SH3TC2: variants seen among roughly 807,000 people sequenced by gnomAD.
The protein encoded by SH3TC2 is SH3 domain and tetratricopeptide repeat-containing protein 2.
A neutral mutation model predicts 124.5 loss-of-function variants in SH3TC2; 87 were observed. The ratio of observed to expected loss-of-function variants is 0.70; its 90% CI spans 0.59 to 0.84. The LOEUF (loss-of-function observed/expected upper bound fraction) is 0.84, where lower values mean the gene tolerates loss of function less well. Ranked by LOEUF, SH3TC2 falls within the 40% of genes least tolerant of loss-of-function variation. The pLI, the probability that SH3TC2 is intolerant of heterozygous loss-of-function variation, is 0.00. For synonymous variants in SH3TC2, 634 were observed against 628.5 expected (o/e 1.01, Z -0.13); for missense variants, 1,536 against 1,566.4 (o/e 0.98, Z 0.33).
intron 16 of SH3TC2, among the ~76,000 whole-genome samples, chr5:149,005,282 C>T (rs868231570): frequency 5.3e-5 from 8 of 152,134 alleles, no homozygotes; most frequent in African/African-American, 1.9e-4. Flanking sequence ...TCTGAAGTGG[C>T]AGGTTCAGAG....
chr5:149,035,733 A>C (rs750592071), intron 8 of SH3TC2: 2 of 152,204 alleles, frequency 1.3e-5, no homozygotes, highest in Non-Finnish European at 2.9e-5. Flanking sequence ...CTGACCAGGC[A>C]CAGGAGAATG....
At chr5:149,058,611 G>T (rs1397301502) in intron 1 of SH3TC2, among the ~76,000 whole-genome samples, 2 of 151,088 alleles carry the variant, frequency 1.3e-5, no homozygotes, top group Non-Finnish European at 2.9e-5. Flanking sequence ...CTCCCCAGTT[G>T]ATGGCTTGCT....
intron 13 of SH3TC2, 127 bp from the exon 14 acceptor site, chr5:149,010,519 A>C: frequency 4.0e-6 from 5 of 1,247,052 alleles, no homozygotes; most frequent in Non-Finnish European, 5.6e-6. Flanking sequence ...CAAATCCTAA[A>C]TGTCTTCACA....
intron 9 of SH3TC2, among the ~76,000 whole-genome samples, chr5:149,030,103 T>A (rs961762830): frequency 6.6e-6 from 1 of 152,188 alleles, no homozygotes; most frequent in Non-Finnish European, 1.5e-5. Flanking sequence ...GGAGAGCTGT[T>A]CAAATGCCCT....
rs1453851161 is a variant in SH3TC2, at chr5:149,003,161, A to G, written c.*1550T>C. The G allele has an allele frequency of 6.6e-6, 1 of 152,220 alleles. No individual in the cohort carries two copies. Among genetic ancestry groups the G allele is most frequent in the Admixed American group, 6.5e-5 (1 of 15,288 alleles). The allele number at this position is 152,220 out of a possible 1,614,324, so 9.4% of individuals were successfully genotyped here. On this transcript the variant is annotated 3_prime_UTR_variant, in exon 17 of 17. Coordinates refer to ENST00000515425, the MANE Select transcript of SH3TC2 (RefSeq NM_024577.4). ...GTAGGTCACTTCTGAAATGATCCCC[A>G]ATGATTCCTCACCATCTGGTATTCA...
intron 12 of SH3TC2, among the ~76,000 whole-genome samples, chr5:149,016,233 G>C (rs1286982432): frequency 6.6e-6 from 1 of 152,036 alleles, no homozygotes; most frequent in Non-Finnish European, 1.5e-5. Context: ...TAACTATCTT[G>C]GACCAAGTAA....
chr5:149,047,846 T>G lies in SH3TC2; in HGVS notation c.279+16A>C. On this transcript the variant is annotated intron_variant, in intron 3 of 16. Coordinates refer to ENST00000515425, the MANE Select transcript of SH3TC2 (RefSeq NM_024577.4). Reference sequence around the variant, plus strand: ...CAAGTCAGTACTCAGCATTCACCTGTTTCCTTCATGCTCACCTTAAACAGC... The same window carrying G: ...CAAGTCAGTACTCAGCATTCACCTGGTTCCTTCATGCTCACCTTAAACAGC... The G allele has an allele frequency of 6.2e-7, 1 of 1,613,814 alleles. No individual in the cohort carries two copies. Among genetic ancestry groups the G allele is most frequent in the Non-Finnish European group, 8.5e-7 (1 of 1,179,794 alleles).
rs946354512 is a variant in SH3TC2 at position 148,986,021 on chromosome 5, T to C, written c.*18690A>G. Among the ~76,000 whole-genome samples the C allele has an allele frequency of 1.3e-5, 2 of 152,196 alleles. No homozygotes were observed. Among genetic ancestry groups the C allele is most frequent in the Non-Finnish European group, 2.9e-5 (2 of 68,026 alleles). On this transcript the variant is annotated 3_prime_UTR_variant, in exon 17 of 17. Transcript: ENST00000515425. ...GGGTGATTTTTGAAAAACACATAAA[T>C]GCAGAATCTTGGTGTTTAAAAGGAA...
chr5:149,017,324 AAGAC>A (rs1406845113), intron 12 of SH3TC2, among the ~76,000 whole-genome samples: 1 of 152,156 alleles, frequency 6.6e-6, no homozygotes, highest in Non-Finnish European at 1.5e-5. Context: ...GTGTCACCTC[AAGAC>A]AGAAGACAAG....
Position 149,010,337 on chromosome 5 carries a change from T to C in SH3TC2, c.3260A>G (p.Tyr1087Cys). The change falls in exon 14 of 17, where the codon TAT (tyrosine) becomes TGT (cysteine). Residue 1087 changes from tyrosine (Y) to cysteine (C), a missense_variant. By Grantham distance (194) the Tyr-to-Cys change is radical. Around this residue, in one of 3 missense-constraint regions of SH3TC2, gnomAD observed 426 missense variants for 443.5 expected, o/e 0.96. Coordinates refer to ENST00000515425, the MANE Select transcript of SH3TC2 (RefSeq NM_024577.4). ...SEEPLLALKL[Y>C]EEAGDVFFNG... ...GAAGAACACATCACCTGCTTCTTCA[T>C]AAAGTTTGAGAGCCAGCAAAGGCTC... 1.2e-6 allele frequency: 2 copies of C among 1,614,112 alleles called. No individual in the cohort carries two copies. Among genetic ancestry groups the C allele is most frequent in the Non-Finnish European group, 1.7e-6 (2 of 1,180,024 alleles).
Position 148,997,118 on chromosome 5 carries a change from CATG to C in SH3TC2, c.*7590_*7592del, listed in dbSNP as rs1455034674. On this transcript the variant is annotated 3_prime_UTR_variant, in exon 17 of 17. Transcript: ENST00000515425. ...GAAGGATGTTCCTAATAGCTTTTTCCATGATGTCAAAAGTAGGCTATTCTCTCA... is the reference window on the plus strand; with the variant it reads ...GAAGGATGTTCCTAATAGCTTTTTCCATGTCAAAAGTAGGCTATTCTCTCA... Among the ~76,000 whole-genome samples the C allele has an allele frequency of 6.6e-6, 1 of 152,170 alleles. No individual in the cohort carries two copies. The highest frequency in any genetic ancestry group is 1.5e-5 in the Non-Finnish European group (1 of 68,028).
chr5:149,052,729 G>A (rs962827470), intron 1 of SH3TC2, among the ~76,000 whole-genome samples: 2 of 152,136 alleles, frequency 1.3e-5, no homozygotes, highest in Non-Finnish European at 2.9e-5. Flanking sequence ...GGTCCTGTCA[G>A]GCCTGTCTTT....
At chr5:149,042,641 C>G (rs920960278) in intron 5 of SH3TC2, 53 bp downstream of exon 5, 8 of 1,610,464 alleles carry the variant, frequency 5.0e-6, no homozygotes, top group Non-Finnish European at 5.9e-6. Context: ...TTCATGGCCT[C>G]TGGTAGCAAA....
chr5:149,047,617 T>G, intron 3 of SH3TC2: 1 of 493,058 alleles, frequency 2.0e-6, no homozygotes. Context: ...TCACAACTAA[T>G]AGAATATTTG....
Position 149,042,698 on chromosome 5 carries a change from CT to C in SH3TC2, c.524del (p.Gln175ArgfsTer13), listed in dbSNP as rs1561770179. Reference protein sequence around the residue: ...LETIYLGLLIQEGHFFCRALC... With the variant: ...LETIYLGLLIXEGHFFCRALC... The stretch of plus-strand genomic sequence containing the variant: ...CTACCCCTATGCCACACTCACCTTC[CT>C]GTATCAGGAGTCCCAGGTATATTGT... On this transcript the variant is annotated frameshift_variant, in exon 5 of 17. Transcript: ENST00000515425. LOFTEE classifies it high-confidence loss of function. 6.2e-7 allele frequency: 1 copy of C among 1,614,114 alleles called. No individual in the cohort carries two copies. Among genetic ancestry groups the C allele is most frequent in the Non-Finnish European group, 8.5e-7 (1 of 1,179,992 alleles).
chr5:149,053,304 G>C (rs1754588750), intron 1 of SH3TC2, among the ~76,000 whole-genome samples: 1 of 152,218 alleles, frequency 6.6e-6, no homozygotes. Flanking sequence ...GCTGCTAATA[G>C]CCTGTGTCTC....
intron 3 of SH3TC2, chr5:149,045,774 G>A (rs1348567138): frequency 3.3e-5 from 6 of 183,600 alleles, no homozygotes; most frequent in Non-Finnish European, 6.9e-5. Flanking sequence ...AGCCTCTCGA[G>A]TAGCTGGGAC....
chr5:149,005,778 G>A (rs1456758518), intron 16 of SH3TC2, among the ~76,000 whole-genome samples: 2 of 152,206 alleles, frequency 1.3e-5, no homozygotes, highest in Admixed American at 6.5e-5. Flanking sequence ...GGACAGCAGA[G>A]CTGCCCTGAG....
chr5:149,023,686 G>T (rs1056843872), intron 12 of SH3TC2, among the ~76,000 whole-genome samples: 1 of 146,920 alleles, frequency 6.8e-6, no homozygotes, highest in Admixed American at 6.9e-5. Context: ...GGGTTCAAGC[G>T]ATTCTCCTGC....
Sources: allele counts gnomAD v4.1 joint callset (sites outside exome capture counted in the v4.1 genomes callset), GRCh38; gene constraint gnomAD v4.1.1; regional missense constraint gnomAD v4.1.1; transcripts MANE v1.5; gene names NCBI Gene and HGNC (gene_info 2026-07-23, HGNC 2026-07-21).